The following SNX29 variants were observed in gnomAD, a reference collection of about 807,000 sequenced individuals.
SNX29 encodes sorting nexin-29.
A neutral mutation model predicts 102.1 loss-of-function variants in SNX29; 78 were observed. The observed-to-expected ratio is 0.76, with a 90% CI of 0.64 to 0.92. SNX29 has a LOEUF of 0.92. Ranked by LOEUF, SNX29 falls within the 40% of genes least tolerant of loss-of-function variation. SNX29 has a pLI of 0.00. For synonymous variants in SNX29, 580 were observed against 414.5 expected (o/e 1.40, Z -4.85); for missense variants, 1,280 against 1,061.7 (o/e 1.21, Z -2.86).
At chr16:12,106,522 G>T (rs2053250797) in intron 11 of SNX29, among the ~76,000 whole-genome samples, 1 of 152,024 alleles carries the variant, frequency 6.6e-6, no homozygotes, top group Non-Finnish European at 1.5e-5. Context: ...CACCCAGGCT[G>T]CAGCGCAGTG....
chr16:12,554,297 T>C (rs532557729), intron 20 of SNX29, among the ~76,000 whole-genome samples: 14 of 152,352 alleles, frequency 9.2e-5, no homozygotes, highest in African/African-American at 2.2e-4. Context: ...TTGCTTCATA[T>C]GAGGTTTCAG....
intron 11 of SNX29, among the ~76,000 whole-genome samples, chr16:12,079,150 G>A (rs1017580105): frequency 2.6e-5 from 4 of 152,246 alleles, no homozygotes; most frequent in South Asian, 4.1e-4. Flanking sequence ...CAGCCTTGCC[G>A]TAGACTTCTG....
chr16:12,446,047 CTTTTTTT>C (rs60889973), intron 18 of SNX29, among the ~76,000 whole-genome samples: 9 of 98,594 alleles, frequency 9.1e-5, no homozygotes, highest in South Asian at 3.8e-4. Flanking sequence ...GCTTCTCATT[CTTTTTTT>C]TTTTTTTTTT....
At chr16:12,539,974 TTTC>T (rs1404356050) in intron 20 of SNX29, among the ~76,000 whole-genome samples, 6 of 152,186 alleles carry the variant, frequency 3.9e-5, no homozygotes, top group South Asian at 2.1e-4. Context: ...TTGCACATAT[TTTC>T]TTCTAGTCTT....
At chr16:12,429,517 C>A (rs972568999) in intron 18 of SNX29, among the ~76,000 whole-genome samples, 4 of 152,176 alleles carry the variant, frequency 2.6e-5, no homozygotes, top group African/African-American at 9.7e-5. Flanking sequence ...AATGCTTGGG[C>A]TTAAGCTGCC....
At chr16:12,107,519 T>C (rs2053312263) in intron 11 of SNX29, among the ~76,000 whole-genome samples, 1 of 151,888 alleles carries the variant, frequency 6.6e-6, no homozygotes, top group Non-Finnish European at 1.5e-5. Flanking sequence ...AATACAAAAA[T>C]TAGCCAGGCA....
At chr16:12,568,483 C>T (rs541950373) in intron 20 of SNX29, 23 bp from the exon 21 acceptor site, 32 of 1,607,982 alleles carry the variant, frequency 2.0e-5, no homozygotes, top group Middle Eastern at 1.6e-4. Context: ...AGACTTAACC[C>T]GATTCTCTCC....
At chr16:12,436,922 G>A (rs879422743) in intron 18 of SNX29, among the ~76,000 whole-genome samples, 1 of 152,200 alleles carries the variant, frequency 6.6e-6, no homozygotes, top group African/African-American at 2.4e-5. Flanking sequence ...CAAAGTGCTG[G>A]GATTACAGGC....
At chr16:12,389,429 A>C (rs1255860564) in intron 16 of SNX29, among the ~76,000 whole-genome samples, 2 of 152,122 alleles carry the variant, frequency 1.3e-5, no homozygotes, top group African/African-American at 2.4e-5. Context: ...GGGTTTTATA[A>C]GGAGTTTCCG....
intron 2 of SNX29, among the ~76,000 whole-genome samples, chr16:11,999,634 G>C (rs2056215130): frequency 6.6e-6 from 1 of 152,170 alleles, no homozygotes. Context: ...AGGTGCAGTG[G>C]CTCACGCCTG....
intron 19 of SNX29, among the ~76,000 whole-genome samples, chr16:12,501,088 C>G (rs1306762597): frequency 6.6e-6 from 1 of 152,176 alleles, no homozygotes; most frequent in African/African-American, 2.4e-5. Flanking sequence ...CCGCTTCTGC[C>G]TCTTCCTATG....
intron 19 of SNX29, among the ~76,000 whole-genome samples, chr16:12,515,228 T>C (rs1292378594): frequency 1.3e-5 from 2 of 152,172 alleles, no homozygotes; most frequent in Non-Finnish European, 2.9e-5. Context: ...TGTGGCTTTG[T>C]CACACTGTTT....
At chr16:12,182,850 C>A (rs189981766) in intron 13 of SNX29, among the ~76,000 whole-genome samples, 2 of 147,834 alleles carry the variant, frequency 1.4e-5, no homozygotes, top group African/African-American at 5.0e-5. Context: ...AGGAGACTCC[C>A]TTGAACCTGG....
chr16:12,145,376 GTTTAT>G (rs750072035), intron 13 of SNX29, among the ~76,000 whole-genome samples: 28 of 151,956 alleles, frequency 1.8e-4, no homozygotes, highest in South Asian at 1.0e-3. Flanking sequence ...TTTACATTCT[GTTTAT>G]TTTATTCTGT....
At chr16:12,205,583 G>T (rs994345528) in intron 14 of SNX29, among the ~76,000 whole-genome samples, 1 of 151,534 alleles carries the variant, frequency 6.6e-6, no homozygotes, top group Admixed American at 6.6e-5. Flanking sequence ...TGCACGTGCT[G>T]CCCCTATGCA....
At chr16:12,563,360 T>C (rs2078839913) in intron 20 of SNX29, among the ~76,000 whole-genome samples, 1 of 152,192 alleles carries the variant, frequency 6.6e-6, no homozygotes, top group East Asian at 1.9e-4. Flanking sequence ...GAGCCTGTCT[T>C]TTATCGCCAC....
chr16:12,472,790 T>C (rs888257803), intron 18 of SNX29, among the ~76,000 whole-genome samples: 5 of 152,162 alleles, frequency 3.3e-5, no homozygotes, highest in Non-Finnish European at 7.3e-5. Context: ...TTACCTCCAC[T>C]GTTATTACAG....
intron 1 of SNX29, among the ~76,000 whole-genome samples, chr16:11,979,441 G>C (rs1314432701): frequency 2.6e-5 from 4 of 152,152 alleles, no homozygotes; most frequent in Admixed American, 2.0e-4. Context: ...GAAGTCCAAC[G>C]ATATATTTTG....
intron 1 of SNX29, among the ~76,000 whole-genome samples, chr16:11,978,709 A>C (rs2055355389): frequency 1.3e-5 from 2 of 152,166 alleles, no homozygotes; most frequent in African/African-American, 4.8e-5. Context: ...TTTTACCTTT[A>C]GCACAAGAGA....
Sources: allele counts gnomAD v4.1 joint callset (sites outside exome capture counted in the v4.1 genomes callset), GRCh38; gene constraint gnomAD v4.1.1; transcripts MANE v1.5; gene names NCBI Gene and HGNC (gene_info 2026-07-23, HGNC 2026-07-21).